The following ARMH4 variants were observed in gnomAD, a reference collection of about 807,000 sequenced individuals.
The protein encoded by ARMH4 is armadillo-like helical domain-containing protein 4.
A neutral mutation model predicts 61.9 loss-of-function variants in ARMH4; 49 were observed. The observed-to-expected ratio is 0.79, with a 90% CI of 0.63 to 1.00. ARMH4 has a LOEUF of 1.00. Among genes scored for constraint, ARMH4 ranks in the 50% least tolerant of loss-of-function variants. The pLI is 0.00. For synonymous variants in ARMH4, 368 were observed against 341.5 expected (o/e 1.08, Z -0.85); for missense variants, 934 against 930.0 (o/e 1.00, Z -0.06).
chr14:58,093,879 G>A (rs1885657331), intron 5 of ARMH4, among the ~76,000 whole-genome samples: 2 of 152,050 alleles, frequency 1.3e-5, no homozygotes, highest in Non-Finnish European at 2.9e-5. Flanking sequence ...TTGACAAAAT[G>A]AATTTATTAG....
At chr14:58,107,919 T>C (rs1197840812) in intron 4 of ARMH4, among the ~76,000 whole-genome samples, 1 of 152,174 alleles carries the variant, frequency 6.6e-6, no homozygotes, top group Non-Finnish European at 1.5e-5. Flanking sequence ...CCCGGTGGCA[T>C]CTTTCTCAAA....
chr14:58,085,660 T>C (rs1372174329), intron 5 of ARMH4, among the ~76,000 whole-genome samples: 1 of 152,136 alleles, frequency 6.6e-6, no homozygotes, highest in East Asian at 1.9e-4. Flanking sequence ...AATTTAATTA[T>C]GAAAATACAG....
chr14:58,068,740 C>T, intron 5 of ARMH4, among the ~76,000 whole-genome samples: 1 of 152,236 alleles, frequency 6.6e-6, no homozygotes, highest in East Asian at 1.9e-4. Flanking sequence ...CGCGCGGTGG[C>T]TCACACCTGT....
intron 4 of ARMH4, 58 bp downstream of exon 4, chr14:58,131,454 T>C: frequency 7.2e-7 from 1 of 1,384,372 alleles, no homozygotes. Context: ...TTCAAAAACA[T>C]TTGCTCAGTG....
chr14:58,137,133 A>G (rs2139973238), intron 2 of ARMH4, among the ~76,000 whole-genome samples: 1 of 152,312 alleles, frequency 6.6e-6, no homozygotes, highest in East Asian at 1.9e-4. Context: ...TTTGAAAAAT[A>G]TTAGTCTAAA....
intron 5 of ARMH4, among the ~76,000 whole-genome samples, chr14:58,069,207 A>C (rs779832898): frequency 6.6e-6 from 1 of 152,204 alleles, no homozygotes; most frequent in Non-Finnish European, 1.5e-5. Flanking sequence ...CATTGAGATA[A>C]GAAACATTGT....
chr14:58,078,614 T>C (rs976293572), intron 5 of ARMH4, among the ~76,000 whole-genome samples: 2 of 152,266 alleles, frequency 1.3e-5, no homozygotes, highest in East Asian at 3.8e-4. Flanking sequence ...CTAAGCCAGA[T>C]GTCAGCAAAC....
Position 58,003,204 on chromosome 14 carries a change from G to A in ARMH4, c.*1532C>T, listed in dbSNP as rs1480824581. 1 of 152,222 alleles carries A rather than the reference G, an allele frequency of 6.6e-6. No individual in the cohort carries two copies. Among genetic ancestry groups the A allele is most frequent in the Non-Finnish European group, 1.5e-5 (1 of 68,034 alleles). The allele number at this position is 152,222 out of a possible 1,614,324, so 9.4% of individuals were successfully genotyped here. A position where few individuals can be genotyped will look rare whatever the true frequency, so the allele number is the denominator to read the frequency against. On this transcript the variant is annotated 3_prime_UTR_variant, in exon 8 of 8. Transcript: ENST00000267485. Reference sequence around the variant, plus strand: ...AACCTTTGTTTTAAAGAAGGACCCTGAAATGTCACTGCTTCCACCAAAGTC... The same window carrying A: ...AACCTTTGTTTTAAAGAAGGACCCTAAAATGTCACTGCTTCCACCAAAGTC...
chr14:58,066,892 T>C (rs527344266), intron 5 of ARMH4, among the ~76,000 whole-genome samples: 66 of 152,332 alleles, frequency 4.3e-4, no homozygotes, highest in South Asian at 1.5e-3. Context: ...GAAAATACTA[T>C]CACAAATAAA....
chr14:58,139,281 C>T lies in ARMH4; in HGVS notation c.78G>A (p.Leu26=), dbSNP rs748874333. Reference sequence around the variant, plus strand: ...TCCTCCTTTCTATTTTGGGGAAGGCCAGACATTGTGTGGCAACGCTGAAAA... The same window carrying T: ...TCCTCCTTTCTATTTTGGGGAAGGCTAGACATTGTGTGGCAACGCTGAAAA... ...LLLFSVATQC[L]AFPKIERRRE... is the part of the protein sequence containing the mutation. Residue 26 remains leucine, a synonymous_variant, in exon 2 of 8, where the codon CTG becomes CTA. Transcript: ENST00000267485. The T allele has an allele frequency of 1.4e-5, 23 of 1,614,012 alleles. No homozygotes were observed. The highest frequency in any genetic ancestry group is 8.5e-7 in the Non-Finnish European group (1 of 1,180,030).
chr14:58,047,393 G>A (rs979050816), intron 5 of ARMH4, among the ~76,000 whole-genome samples: 3 of 152,150 alleles, frequency 2.0e-5, no homozygotes, highest in African/African-American at 4.8e-5. Context: ...GGATTTTAAT[G>A]TCTTAGTAAC....
At chr14:58,148,687 G>A (rs1887826563) in intron 1 of ARMH4, among the ~76,000 whole-genome samples, 1 of 152,110 alleles carries the variant, frequency 6.6e-6, no homozygotes. Context: ...ATTTTGTACT[G>A]TAAGATTTTT....
At chr14:58,030,636 G>A (rs182635529) in intron 5 of ARMH4, among the ~76,000 whole-genome samples, 3 of 152,190 alleles carry the variant, frequency 2.0e-5, no homozygotes, top group Admixed American at 2.0e-4. Flanking sequence ...CTCCCCTCCT[G>A]CTAGCCCCTG....
chr14:58,117,633 TA>T (rs1313265195), intron 4 of ARMH4, among the ~76,000 whole-genome samples: 1 of 152,232 alleles, frequency 6.6e-6, no homozygotes. Context: ...GCACTCAGTA[TA>T]TGTTTATTGA....
intron 4 of ARMH4, chr14:58,116,379 T>C: frequency 2.7e-6 from 1 of 376,888 alleles, no homozygotes; most frequent in Non-Finnish European, 5.5e-6. Context: ...AGGCAGCTGT[T>C]TAAATATTTT....
intron 5 of ARMH4, among the ~76,000 whole-genome samples, chr14:58,040,231 CA>C (rs909349325): frequency 2.6e-5 from 4 of 151,922 alleles, no homozygotes; most frequent in African/African-American, 9.7e-5. Context: ...AAACTCGTGT[CA>C]CAGGGGTTTG....
At chr14:58,050,784 A>G (rs1884111168) in intron 5 of ARMH4, among the ~76,000 whole-genome samples, 1 of 152,064 alleles carries the variant, frequency 6.6e-6, no homozygotes, top group African/African-American at 2.4e-5. Flanking sequence ...GAACTTTTTC[A>G]TGTTACAAAA....
chr14:58,019,499 C>T (rs1882737627), intron 5 of ARMH4, among the ~76,000 whole-genome samples: 1 of 152,046 alleles, frequency 6.6e-6, no homozygotes, highest in Admixed American at 6.6e-5. Flanking sequence ...TATACGAGTC[C>T]CAGGTGTAGC....
intron 5 of ARMH4, among the ~76,000 whole-genome samples, chr14:58,083,092 A>G (rs1047037538): frequency 1.9e-4 from 29 of 152,322 alleles, no homozygotes; most frequent in African/African-American, 6.7e-4. Flanking sequence ...ACTGAGTGAC[A>G]GTGGATTATG....
Sources: gnomAD v4.1 joint callset for allele counts (sites outside exome capture counted in the v4.1 genomes callset) on GRCh38, gnomAD v4.1.1 for gene constraint, MANE v1.5 for transcripts, NCBI Gene and HGNC (gene_info 2026-07-23, HGNC 2026-07-21) for gene names.